The following TLR10 variants were observed in gnomAD, a reference collection of about 807,000 sequenced individuals.
The protein encoded by TLR10 is toll like receptor 10.
For missense variants in TLR10, 929 were observed against 932.9 expected (o/e 1.00, Z 0.05); for synonymous variants, 288 against 338.8 (o/e 0.85, Z 1.65).
intron 1 of TLR10, among the ~76,000 whole-genome samples, chr4:38,779,528 T>A (rs1368367558): frequency 6.6e-6 from 1 of 152,226 alleles, no homozygotes; most frequent in Admixed American, 6.5e-5. Flanking sequence ...TTTAATTAAC[T>A]TAGTTCCTGC....
Position 38,774,892 on chromosome 4 carries a change from C to T in TLR10, c.699G>A (p.Met233Ile), listed in dbSNP as rs891441688. ...DGKSQFVSYEMQRNLSLENAK... is the reference protein window; with the variant it reads ...DGKSQFVSYEIQRNLSLENAK... ...CATTTTCTAAACTAAGATTTCGTTG[C>T]ATTTCATAACTTACAAATTGGCTTT... The change falls in exon 4 of 4, where the codon ATG (methionine) becomes ATA (isoleucine). Residue 233 changes from methionine to isoleucine, a missense_variant. Physicochemically the swap from Met to Ile is conservative, Grantham distance 10. Transcript: ENST00000308973. 1 of 1,608,224 alleles carries T rather than the reference C, an allele frequency of 6.2e-7. No individual in the cohort carries two copies. Among genetic ancestry groups the T allele is most frequent in the Non-Finnish European group, 8.5e-7 (1 of 1,177,610 alleles).
chr4:38,773,373 T>C lies in TLR10; in HGVS notation c.2218A>G (p.Thr740Ala), dbSNP rs755861523. 36 of 1,613,808 alleles carry C rather than the reference T, an allele frequency of 2.2e-5. No individual in the cohort carries two copies. The highest frequency in any genetic ancestry group is 3.1e-5 in the Non-Finnish European group (36 of 1,179,984). ...LEPIPFYCIP[T>A]RYHKLKALLE... The stretch of plus-strand genomic sequence containing the variant: ...AGAGCTTTCAGTTTATGATACCTGG[T>C]GGGAATGCAATAGAATGGAATGGGT... The change falls in exon 4 of 4, where the codon ACC becomes GCC. Residue 740 changes from threonine (T) to alanine (A), a missense_variant. Coordinates refer to ENST00000308973, the MANE Select transcript of TLR10 (RefSeq NM_030956.4).
rs1216362846 is a variant in TLR10, at chr4:38,774,473, T to C, written c.1118A>G (p.His373Arg). 1 of 1,603,610 alleles carries C rather than the reference T, an allele frequency of 6.2e-7. No homozygotes were observed. Among genetic ancestry groups the C allele is most frequent in the Non-Finnish European group, 8.5e-7 (1 of 1,177,080 alleles). ...GCCATTCAAAATGAGAGTTTTCAAG[T>C]GAGGCAGTTGGATAGTTCTTTTAAA... Reference protein sequence around the residue: ...ELFKRTIQLPHLKTLILNGNK... With the variant: ...ELFKRTIQLPRLKTLILNGNK... Residue 373 changes from histidine to arginine, a missense_variant, in exon 4 of 4, where the codon CAC becomes CGC. By Grantham distance (29) the His-to-Arg change is conservative. Coordinates refer to ENST00000308973, the MANE Select transcript of TLR10 (RefSeq NM_030956.4).
Position 38,774,053 on chromosome 4 carries a change from T to G in TLR10, c.1538A>C (p.Glu513Ala). The G allele has an allele frequency of 6.2e-7, 1 of 1,612,190 alleles. No homozygotes were observed. Among genetic ancestry groups the G allele is most frequent in the Non-Finnish European group, 8.5e-7 (1 of 1,178,842 alleles). ...TCTTCCCGCATTTAGAGTTTTAACT[T>G]CCTGGCAGCTCTGAACAAAATCCAG... ...PSLDFVQSCQEVKTLNAGRNP... is the reference protein window; with the variant it reads ...PSLDFVQSCQAVKTLNAGRNP... Residue 513 changes from glutamate (E) to alanine (A), a missense_variant, in exon 4 of 4, where the codon GAA (glutamate) becomes GCA (alanine). Physicochemically the swap from Glu to Ala is moderately radical, Grantham distance 107 (BLOSUM62 -1). Coordinates refer to ENST00000308973, the MANE Select transcript of TLR10 (RefSeq NM_030956.4).
rs1442697683 is a variant in TLR10 at position 38,773,840 on chromosome 4, A to G, written c.1751T>C (p.Val584Ala). The G allele has an allele frequency of 1.3e-6, 2 of 1,585,752 alleles. No homozygotes were observed. The highest frequency in any genetic ancestry group is 2.7e-5 in the African/African-American group (2 of 73,926). Residue 584 changes from valine to alanine, a missense_variant, in exon 4 of 4, where the codon GTG (valine) becomes GCG (alanine). Val to Ala is a moderately conservative substitution (Grantham distance 64). Transcript: ENST00000308973. ...CAACCCCAGAACTAGCATAATAACC[A>G]CAATGGTGACAATCAACAGAGCTGT... is the stretch of plus-strand genomic sequence containing the variant. ...CNTALLIVTI[V>A]VIMLVLGLAV...
In TLR10 at chr4:38,775,449, G is replaced by A; in HGVS notation, c.142C>T (p.Pro48Ser). 6.2e-7 allele frequency: 1 copy of A among 1,614,114 alleles called. No individual in the cohort carries two copies. Among genetic ancestry groups the A allele is most frequent in the Non-Finnish European group, 8.5e-7 (1 of 1,180,008 alleles). ...GATAAATCCAGTGTCGTTGTGGCTG[G>A]GGTCAAGTCTGCGGGAACCTTTCTT... ...SLRKVPADLT[P>S]ATTTLDLSYN... The change falls in exon 4 of 4, where the codon CCA becomes TCA. Residue 48 changes from proline to serine, a missense_variant. Pro to Ser is a moderately conservative substitution (Grantham distance 74). Transcript: ENST00000308973.
chr4:38,777,389 A>T (rs536202508), intron 1 of TLR10, among the ~76,000 whole-genome samples: 1 of 152,298 alleles, frequency 6.6e-6, no homozygotes, highest in African/African-American at 2.4e-5. Flanking sequence ...ACGGAATCAG[A>T]GAAGAGGTCG....
Position 38,773,137 on chromosome 4 carries a change from C to G in TLR10, c.*18G>C. ...CAACAGTGTATGTGGTCCCCAACTTCCCAAGGACTGTGGGATTTTATAGAC... is the reference window on the plus strand; with the variant it reads ...CAACAGTGTATGTGGTCCCCAACTTGCCAAGGACTGTGGGATTTTATAGAC... On this transcript the variant is annotated 3_prime_UTR_variant, in exon 4 of 4. Coordinates refer to ENST00000308973, the MANE Select transcript of TLR10 (RefSeq NM_030956.4). 6.6e-7 allele frequency: 1 copy of G among 1,508,198 alleles called. No individual in the cohort carries two copies. Among genetic ancestry groups the G allele is most frequent in the Non-Finnish European group, 8.8e-7 (1 of 1,133,324 alleles). The allele number at this position is 1,508,198 out of a possible 1,614,324, so 93.4% of individuals were successfully genotyped here.
At chr4:38,781,114 T>C (rs1579184909) in intron 1 of TLR10, among the ~76,000 whole-genome samples, 3 of 152,198 alleles carry the variant, frequency 2.0e-5, no homozygotes, top group South Asian at 2.1e-4. Context: ...CTTCTCTTAA[T>C]ATAACAATAG....
intron 1 of TLR10, among the ~76,000 whole-genome samples, chr4:38,782,669 G>A (rs955636893): frequency 1.3e-5 from 2 of 152,200 alleles, no homozygotes; most frequent in African/African-American, 2.4e-5. Context: ...CTGAATAGAA[G>A]AGCTGACCAG....
chr4:38,774,284 G>T lies in TLR10; in HGVS notation c.1307C>A (p.Ser436Tyr). ...ACTTTTGGGCAAGCACCTGAAGACA[G>T]AATCAGACAATTTATTGTATGACAG... is the stretch of plus-strand genomic sequence containing the variant. The part of the protein sequence containing the change: ...MNLSYNKLSD[S>Y]VFRCLPKSIQ... Residue 436 changes from serine to tyrosine, a missense_variant, in exon 4 of 4, where the codon TCT (serine) becomes TAT (tyrosine). Coordinates refer to ENST00000308973, the MANE Select transcript of TLR10 (RefSeq NM_030956.4). 9 of 1,613,382 alleles carry T rather than the reference G, an allele frequency of 5.6e-6. No individual in the cohort carries two copies. Among genetic ancestry groups the T allele is most frequent in the Non-Finnish European group, 7.6e-6 (9 of 1,179,834 alleles).
At position 38,774,803 on chromosome 4, in the gene TLR10, A is replaced by T. The variant is rs1724926867; in HGVS notation, c.788T>A (p.Leu263Ter). 1 of 1,596,994 alleles carries T rather than the reference A, an allele frequency of 6.3e-7. No homozygotes were observed. The highest frequency in any genetic ancestry group is 8.5e-7 in the Non-Finnish European group (1 of 1,173,778). ...DLLWDDLFLILQFVWHTSVEH... is the reference protein window; with the variant it reads ...DLLWDDLFLI ...CACTGATGTATGCCAAACAAATTGTAAGATAAGGAAAAGGTCGTCCCAGAG... is the reference window on the plus strand; with the variant it reads ...CACTGATGTATGCCAAACAAATTGTTAGATAAGGAAAAGGTCGTCCCAGAG... Residue 263 changes from leucine to a stop codon, truncating the protein, a stop_gained, in exon 4 of 4, where the codon TTA becomes TAA. Coordinates refer to ENST00000308973, the MANE Select transcript of TLR10 (RefSeq NM_030956.4). LOFTEE classifies it low-confidence loss of function (END_TRUNC).
chr4:38,773,152 A>AT lies in TLR10; in HGVS notation c.*2dup, dbSNP rs1191787634. 5 of 1,512,444 alleles carry AT rather than the reference A, an allele frequency of 3.3e-6. No homozygotes were observed. Among genetic ancestry groups the AT allele is most frequent in the Non-Finnish European group, 3.5e-6 (4 of 1,134,830 alleles). The allele number at this position is 1,512,444 out of a possible 1,614,324, so 93.7% of individuals were successfully genotyped here. A position where few individuals can be genotyped will look rare whatever the true frequency, so the allele number is the denominator to read the frequency against. On this transcript the variant is annotated 3_prime_UTR_variant, in exon 4 of 4. Transcript: ENST00000308973. ...TCCCCAACTTCCCAAGGACTGTGGGATTTTATAGACAATCTGTTCTCATCA... is the reference window on the plus strand; with the variant it reads ...TCCCCAACTTCCCAAGGACTGTGGGATTTTTATAGACAATCTGTTCTCATCA...
chr4:38,774,171 C>T lies in TLR10; in HGVS notation c.1420G>A (p.Ala474Thr). 6.2e-7 allele frequency: 1 copy of T among 1,611,014 alleles called. No individual in the cohort carries two copies. The highest frequency in any genetic ancestry group is 8.5e-7 in the Non-Finnish European group (1 of 1,178,512). ...HLMALRELNI[A>T]FNFLTDLPGC... Reference sequence around the variant, plus strand: ...GGGAGATCAGTTAGAAAATTAAATGCAATATTTAGTTCTCGTAAGGCCATC... The same window carrying T: ...GGGAGATCAGTTAGAAAATTAAATGTAATATTTAGTTCTCGTAAGGCCATC... Residue 474 changes from alanine to threonine, a missense_variant, in exon 4 of 4, where the codon GCA becomes ACA. Coordinates refer to ENST00000308973, the MANE Select transcript of TLR10 (RefSeq NM_030956.4).
In TLR10 at chr4:38,774,898, A is replaced by C. The variant is rs758266387; in HGVS notation, c.693T>G (p.Tyr231Ter). Residue 231 changes from tyrosine to a stop codon, truncating the protein, a stop_gained, in exon 4 of 4, where the codon TAT becomes TAG. Transcript: ENST00000308973. LOFTEE classifies it low-confidence loss of function (END_TRUNC). ...CTAAACTAAGATTTCGTTGCATTTC[A>C]TAACTTACAAATTGGCTTTTGCCAT... ...NIDGKSQFVS[Y>*]EMQRNLSLEN... The C allele has an allele frequency of 6.2e-7, 1 of 1,610,138 alleles. No individual in the cohort carries two copies. Among genetic ancestry groups the C allele is most frequent in the Non-Finnish European group, 8.5e-7 (1 of 1,178,514 alleles).
intron 1 of TLR10, among the ~76,000 whole-genome samples, chr4:38,777,300 G>C (rs921339431): frequency 6.6e-6 from 1 of 152,190 alleles, no homozygotes; most frequent in Non-Finnish European, 1.5e-5. Context: ...ATTTTGGAGA[G>C]AGAGAGAACA....
chr4:38,774,594 T>C lies in TLR10; in HGVS notation c.997A>G (p.Ile333Val), dbSNP rs929427604. The C allele has an allele frequency of 1.9e-6, 3 of 1,594,230 alleles. No individual in the cohort carries two copies. The highest frequency in any genetic ancestry group is 2.6e-6 in the Non-Finnish European group (3 of 1,173,724). Residue 333 changes from isoleucine to valine, a missense_variant, in exon 4 of 4, where the codon ATA becomes GTA. Ile to Val is a conservative substitution (Grantham distance 29). Transcript: ENST00000308973. ...LTKMDIENLT[I>V]SNAQMPHMLF... ...ATGTGTGGCATTTGTGCATTTGATATTGTCAGGTTTTCTATGTCCATTTTG... is the reference window on the plus strand; with the variant it reads ...ATGTGTGGCATTTGTGCATTTGATACTGTCAGGTTTTCTATGTCCATTTTG...
intron 1 of TLR10, among the ~76,000 whole-genome samples, 193 bp from the exon 2 acceptor site, chr4:38,776,619 C>T (rs537999257): frequency 3.9e-5 from 6 of 152,216 alleles, no homozygotes; most frequent in African/African-American, 7.2e-5. Context: ...CCAGGCTTCA[C>T]GTGGTTGGAT....
rs1309749973 is a variant in TLR10 at position 38,775,495 on chromosome 4, G to C, written c.96C>G (p.Thr32=). The C allele has an allele frequency of 1.6e-5, 26 of 1,614,060 alleles. No individual in the cohort carries two copies. The highest frequency in any genetic ancestry group is 2.2e-5 in the Non-Finnish European group (26 of 1,179,990). ...TTCTTAGAGACATGTTGGAGCAGTT[G>C]GTCATCAGTTCCCTTTCTTCTGGCA... ...PELPEERELM[T]NCSNMSLRKV... The change falls in exon 4 of 4, where the codon ACC becomes ACG. Residue 32 remains threonine, a synonymous_variant. Coordinates refer to ENST00000308973, the MANE Select transcript of TLR10 (RefSeq NM_030956.4).
Sources: gnomAD v4.1 joint callset for allele counts (sites outside exome capture counted in the v4.1 genomes callset) on GRCh38, gnomAD v4.1.1 for gene constraint, MANE v1.5 for transcripts, NCBI Gene and HGNC (gene_info 2026-07-23, HGNC 2026-07-21) for gene names.